The following FDFT1 variants were observed in gnomAD, a reference collection of about 807,000 sequenced individuals.
FDFT1 encodes farnesyl-diphosphate farnesyltransferase 1, also known as squalene synthase.
FDFT1 carries 68 observed loss-of-function variants against 46.8 expected under a neutral mutation model. The ratio of observed to expected loss-of-function variants is 1.45; its 90% confidence interval spans 1.19 to 1.78. The LOEUF (loss-of-function observed/expected upper bound fraction) is 1.78, where lower values mean the gene tolerates loss of function less well. FDFT1 is among the 40% of genes most tolerant of loss of function. The pLI is 0.00. For synonymous variants in FDFT1, 351 were observed against 185.1 expected, an observed-to-expected ratio of 1.90 and a Z score of -7.28; for missense variants, 928 against 524.4, an observed-to-expected ratio of 1.77 and a Z score of -7.52.
upstream of FDFT1, chr8:11,802,051 T>G (rs958002346): frequency 6.6e-6 from 3 of 455,866 alleles, no homozygotes; most frequent in Admixed American, 7.0e-5. Flanking sequence ...ACATTCCTGT[T>G]ACAGGCTCTC....
chr8:11,833,926 G>C (rs986760892), intron 7 of FDFT1, among the ~76,000 whole-genome samples: 1 of 152,244 alleles, frequency 6.6e-6, no homozygotes, highest in African/African-American at 2.4e-5. Context: ...AGATTTCTAA[G>C]TCTTAAGCAG....
intron 7 of FDFT1, among the ~76,000 whole-genome samples, chr8:11,835,013 A>G (rs994939238): frequency 6.6e-6 from 1 of 152,180 alleles, no homozygotes. Context: ...CATCCCAGCT[A>G]TTCCGGAGCC....
chr8:11,797,638 C>CAAAAAAAAAAAAAAAAAAAAAA (rs34350077), upstream of FDFT1, among the ~76,000 whole-genome samples: 6 of 75,504 alleles, frequency 7.9e-5, no homozygotes, highest in Non-Finnish European at 1.4e-4. Context: ...CACACACACT[C>CAAAAAAAAAAAAAAAAAAAAAA]AAAAAAAAAA....
intron 5 of FDFT1, among the ~76,000 whole-genome samples, chr8:11,827,952 A>C (rs1428883454): frequency 6.6e-6 from 1 of 152,128 alleles, no homozygotes; most frequent in African/African-American, 2.4e-5. Context: ...CTATAATCCC[A>C]GCACTTTGGG....
chr8:11,797,088 C>G (rs370272150), intron 1 of FDFT1, among the ~76,000 whole-genome samples: 13 of 152,258 alleles, frequency 8.5e-5, no homozygotes, highest in East Asian at 5.8e-4. Flanking sequence ...GGTGGTAAAT[C>G]CTGGGTGTTG....
upstream of FDFT1, among the ~76,000 whole-genome samples, chr8:11,799,943 T>G (rs11775884): frequency 7.6e-6 from 1 of 130,932 alleles, no homozygotes; most frequent in Non-Finnish European, 1.6e-5. Context: ...AGACTCCATT[T>G]AAAAAAAAAA....
At chr8:11,822,028 C>G (rs750250554) in intron 4 of FDFT1, 150 bp downstream of exon 4, 5 of 901,992 alleles carry the variant, frequency 5.5e-6, no homozygotes, top group South Asian at 1.7e-5. Flanking sequence ...TCATCATAAA[C>G]AGTTTATTCC....
chr8:11,809,106 G>A lies in FDFT1; in HGVS notation c.197+215G>A, dbSNP rs1438524601. 5.5e-6 allele frequency: 7 copies of A among 1,279,124 alleles called. No homozygotes were observed. The African/African-American group carries it at 6.2e-5, about 11-fold the overall frequency. The allele number at this position is 1,279,124 out of a possible 1,614,324, so 79.2% of individuals were successfully genotyped here. A position where few individuals can be genotyped will look rare whatever the true frequency, so the allele number is the denominator to read the frequency against. On this transcript the variant is annotated intron_variant, in intron 2 of 7. Coordinates refer to ENST00000220584, the MANE Select transcript of FDFT1 (RefSeq NM_004462.5). The stretch of plus-strand genomic sequence containing the variant: ...CCTGCGGGCCCAGCCTTTCAGAGAA[G>A]AGGGGGGAGGGGGTGATGTTTATTA...
chr8:11,801,345 G>A (rs920218645), upstream of FDFT1, among the ~76,000 whole-genome samples: 1 of 152,132 alleles, frequency 6.6e-6, no homozygotes, highest in Non-Finnish European at 1.5e-5. Context: ...TTGAGATGAA[G>A]TCTCGCTCTT....
At chr8:11,833,931 A>G (rs932846261) in intron 7 of FDFT1, among the ~76,000 whole-genome samples, 3 of 152,242 alleles carry the variant, frequency 2.0e-5, no homozygotes, top group East Asian at 1.9e-4. Flanking sequence ...TCTAAGTCTT[A>G]AGCAGTAGAA....
chr8:11,836,808 G>C (rs1293455685), intron 7 of FDFT1, among the ~76,000 whole-genome samples: 1 of 152,208 alleles, frequency 6.6e-6, no homozygotes, highest in Non-Finnish European at 1.5e-5. Flanking sequence ...GGCCGAGGTG[G>C]GTGGATCACT....
At position 11,808,792 on chromosome 8, in the gene FDFT1, A is replaced by T; in HGVS notation, c.100-2A>T. Reference sequence around the variant, plus strand: ...ACCGCCGTGTGTGTTGTCTGCCCGCAGGACTCGCTCAGCAGCAGCCTGAAA... The same window carrying T: ...ACCGCCGTGTGTGTTGTCTGCCCGCTGGACTCGCTCAGCAGCAGCCTGAAA... On this transcript the variant is annotated splice_acceptor_variant, in intron 1 of 7. Transcript: ENST00000220584. LOFTEE classifies it high-confidence loss of function. 6.2e-7 allele frequency: 1 copy of T among 1,613,260 alleles called. No individual in the cohort carries two copies. Among genetic ancestry groups the T allele is most frequent in the Non-Finnish European group, 8.5e-7 (1 of 1,179,816 alleles).
intron 3 of FDFT1, among the ~76,000 whole-genome samples, chr8:11,812,135 C>A (rs970977421): frequency 2.6e-5 from 4 of 152,152 alleles, no homozygotes; most frequent in African/African-American, 9.7e-5. Context: ...CATTCTAGGC[C>A]CCCTCACTCC....
chr8:11,835,519 T>C (rs997813102), intron 7 of FDFT1, among the ~76,000 whole-genome samples: 1 of 152,162 alleles, frequency 6.6e-6, no homozygotes, highest in African/African-American at 2.4e-5. Flanking sequence ...ACCTTACTTA[T>C]CTCCTGGAAG....
intron 3 of FDFT1, among the ~76,000 whole-genome samples, chr8:11,819,407 TGG>T (rs770229846): frequency 2.6e-5 from 4 of 152,208 alleles, no homozygotes; most frequent in Non-Finnish European, 4.4e-5. Flanking sequence ...CTTGCTAGGT[TGG>T]GGAAGTTCTC....
chr8:11,801,033 G>C (rs1806065370), upstream of FDFT1, among the ~76,000 whole-genome samples: 1 of 152,106 alleles, frequency 6.6e-6, no homozygotes, highest in Non-Finnish European at 1.5e-5. Flanking sequence ...ACCCCCACTG[G>C]GATTAGCAGT....
rs1207850617 is a variant in FDFT1 at position 11,809,507 on chromosome 8, A to T, written c.198-160A>T. On this transcript the variant is annotated intron_variant, in intron 2 of 7. Coordinates refer to ENST00000220584, the MANE Select transcript of FDFT1 (RefSeq NM_004462.5). The stretch of plus-strand genomic sequence containing the variant: ...TACTCTCATGTAAGGAAGGAAAACT[A>T]ATGTAACTTTCGTTAAGTATGAAAA... 30 of 1,324,718 alleles carry T rather than the reference A, an allele frequency of 2.3e-5. No individual in the cohort carries two copies. The East Asian group carries it at 7.9e-4, about 35-fold the overall frequency. The allele number at this position is 1,324,718 out of a possible 1,614,324, so 82.1% of individuals were successfully genotyped here.
chr8:11,833,944 T>C (rs1051257287), intron 7 of FDFT1, among the ~76,000 whole-genome samples: 2 of 152,262 alleles, frequency 1.3e-5, no homozygotes, highest in Non-Finnish European at 2.9e-5. Context: ...CAGTAGAACC[T>C]GTTAATGGTT....
In FDFT1 at chr8:11,802,861, C is replaced by T. The variant is rs781458334; in HGVS notation, c.29C>T (p.Pro10Leu). The T allele has an allele frequency of 6.8e-6, 11 of 1,611,908 alleles. No homozygotes were observed. The highest frequency in any genetic ancestry group is 1.1e-5 in the South Asian group (1 of 90,614). Residue 10 changes from proline (P) to leucine (L), a missense_variant, in exon 1 of 8, where the codon CCC becomes CTC. Transcript: ENST00000220584. MEFVKCLGH[P>L]EEFYNLVRFR... ...GAGTTCGTGAAATGCCTTGGCCACC[C>T]CGAAGAGTTCTACAACCTGGTGCGC...
Sources: gnomAD v4.1 joint callset for allele counts (sites outside exome capture counted in the v4.1 genomes callset) on GRCh38, gnomAD v4.1.1 for gene constraint, MANE v1.5 for transcripts, NCBI Gene and HGNC (gene_info 2026-07-23, HGNC 2026-07-21) for gene names.